CDS1: variants seen among roughly 807,000 people sequenced by gnomAD.
CDS1 encodes phosphatidate cytidylyltransferase 1.
Under a neutral mutation model 62.1 loss-of-function variants are expected in CDS1, and 41 were observed. The ratio of observed to expected loss-of-function variants is 0.66; its 90% confidence interval spans 0.51 to 0.86. The LOEUF is 0.86. Ranked by LOEUF, CDS1 falls within the 40% of genes least tolerant of loss-of-function variation. The pLI is 0.00. For synonymous variants in CDS1, 185 were observed against 192.6 expected (o/e 0.96, Z 0.32); for missense variants, 470 against 550.1 (o/e 0.85, Z 1.46).
In CDS1 at chr4:84,650,208, T is replaced by A. The variant is rs1724690541; in HGVS notation, c.*1522T>A. 1 of 152,198 alleles carries A rather than the reference T, an allele frequency of 6.6e-6. No homozygotes were observed. Among genetic ancestry groups the A allele is most frequent in the African/African-American group, 2.4e-5 (1 of 41,462 alleles). The allele number at this position is 152,198 out of a possible 1,614,324, so 9.4% of individuals were successfully genotyped here. A position where few individuals can be genotyped will look rare whatever the true frequency, so the allele number is the denominator to read the frequency against. Reference sequence around the variant, plus strand: ...TCCACTGATGCAGTCAGCCAGCACCTCCTCACATGCACACATGATTAGACA... The same window carrying A: ...TCCACTGATGCAGTCAGCCAGCACCACCTCACATGCACACATGATTAGACA... On this transcript the variant is annotated 3_prime_UTR_variant, in exon 13 of 13. Coordinates refer to ENST00000295887, the MANE Select transcript of CDS1 (RefSeq NM_001263.4).
chr4:84,597,962 T>C (rs1425488447), intron 1 of CDS1, among the ~76,000 whole-genome samples: 1 of 151,294 alleles, frequency 6.6e-6, no homozygotes, highest in Non-Finnish European at 1.5e-5. Context: ...CCGTCTCTAC[T>C]AAAAATACAA....
intron 3 of CDS1, among the ~76,000 whole-genome samples, chr4:84,617,199 A>G (rs940809595): frequency 6.6e-6 from 1 of 152,250 alleles, no homozygotes; most frequent in Non-Finnish European, 1.5e-5. Context: ...CATAATGGAC[A>G]GGTTGGACAA....
At chr4:84,643,245 C>T (rs1724446855) in intron 11 of CDS1, 102 bp downstream of exon 11, 2 of 1,085,470 alleles carry the variant, frequency 1.8e-6, no homozygotes, top group African/African-American at 1.6e-5. Flanking sequence ...GCCCCTAGGC[C>T]ACAACTTTTA....
chr4:84,623,895 C>T (rs542419529), intron 5 of CDS1, among the ~76,000 whole-genome samples: 37 of 152,040 alleles, frequency 2.4e-4, no homozygotes, highest in African/African-American at 8.9e-4. Context: ...GACCTGTGGC[C>T]CCTCCATGTG....
chr4:84,636,111 G>A (rs902814693), intron 8 of CDS1, among the ~76,000 whole-genome samples: 1 of 151,930 alleles, frequency 6.6e-6, no homozygotes, highest in African/African-American at 2.4e-5. Flanking sequence ...CTCCTTTCCA[G>A]CAAGCCTATA....
rs1722300841 is a variant in CDS1, at chr4:84,583,189, C to T, written c.-213C>T. ...GGGACCTCCGCCGGAGCCGCGCTCG[C>T]TGCAGGCGGCCTCGAGCGCTCTCTC... On this transcript the variant is annotated 5_prime_UTR_variant, in exon 1 of 13. Transcript: ENST00000295887. 1 of 482,616 alleles carries T rather than the reference C, an allele frequency of 2.1e-6. No individual in the cohort carries two copies. Among genetic ancestry groups the T allele is most frequent in the South Asian group, 2.9e-5 (1 of 34,440 alleles). 29.9% of individuals were successfully genotyped at this position (482,616 alleles called of 1,614,324 possible).
intron 10 of CDS1, among the ~76,000 whole-genome samples, chr4:84,642,449 A>G (rs1197369160): frequency 6.6e-6 from 1 of 152,210 alleles, no homozygotes; most frequent in Admixed American, 6.5e-5. Context: ...ACAAATTTGC[A>G]AAATAATTTG....
intron 1 of CDS1, among the ~76,000 whole-genome samples, chr4:84,595,239 C>A (rs1197979386): frequency 2.6e-5 from 4 of 152,082 alleles, no homozygotes; most frequent in Non-Finnish European, 5.9e-5. Context: ...AGAATTCTGG[C>A]TAAAGGTTAA....
chr4:84,596,111 AC>A (rs1722740040), intron 1 of CDS1, among the ~76,000 whole-genome samples: 3 of 152,256 alleles, frequency 2.0e-5, no homozygotes, highest in Admixed American at 6.5e-5. Flanking sequence ...CTCAGCACAT[AC>A]TCACCAAGCT....
In CDS1 at chr4:84,585,675, T is replaced by A. The variant is rs550380361; in HGVS notation, c.117+2157T>A. Among the ~76,000 whole-genome samples, 6 of 152,226 alleles carry A rather than the reference T, an allele frequency of 3.9e-5. No homozygotes were observed. In the South Asian group the frequency reaches 1.2e-3, roughly 32 times the overall value. ...TCCCATGCATTGCCATTTTGTAGTC[T>A]TTTAATAATGGTGTTATTAACATGA... On this transcript the variant is annotated intron_variant, in intron 1 of 12. Transcript: ENST00000295887.
At chr4:84,602,016 A>G in intron 1 of CDS1, among the ~76,000 whole-genome samples, 1 of 152,194 alleles carries the variant, frequency 6.6e-6, no homozygotes, top group East Asian at 1.9e-4. Flanking sequence ...CTATTTGATC[A>G]TTAAAAGTAT....
intron 3 of CDS1, among the ~76,000 whole-genome samples, chr4:84,616,275 T>C (rs1187359360): frequency 2.0e-5 from 3 of 152,240 alleles, no homozygotes; most frequent in Non-Finnish European, 4.4e-5. Flanking sequence ...GACTTTTGCC[T>C]ACAAGTACTG....
intron 5 of CDS1, among the ~76,000 whole-genome samples, chr4:84,621,369 G>GA (rs1723681000): frequency 1.3e-5 from 2 of 152,098 alleles, no homozygotes; most frequent in Admixed American, 1.3e-4. Flanking sequence ...CAGTCCTGTA[G>GA]AAGTATGCTA....
intron 10 of CDS1, among the ~76,000 whole-genome samples, chr4:84,642,028 T>G (rs1314351944): frequency 6.6e-6 from 1 of 152,078 alleles, no homozygotes; most frequent in Non-Finnish European, 1.5e-5. Flanking sequence ...TGAGAACAGG[T>G]CAAAAAATGG....
chr4:84,649,393 A>G lies in CDS1; in HGVS notation c.*707A>G, dbSNP rs1447593873. ...CTCGCAAAAACTTTTCAAGAGCAACAAGGAAGAATTCTGCTGTGAAGAACA... is the reference window on the plus strand; with the variant it reads ...CTCGCAAAAACTTTTCAAGAGCAACGAGGAAGAATTCTGCTGTGAAGAACA... On this transcript the variant is annotated 3_prime_UTR_variant, in exon 13 of 13. Coordinates refer to ENST00000295887, the MANE Select transcript of CDS1 (RefSeq NM_001263.4). 6.6e-6 allele frequency: 1 copy of G among 152,210 alleles called. No homozygotes were observed. Among genetic ancestry groups the G allele is most frequent in the African/African-American group, 2.4e-5 (1 of 41,438 alleles). 9.4% of individuals were successfully genotyped at this position (152,210 alleles called of 1,614,324 possible). A position where few individuals can be genotyped will look rare whatever the true frequency, so the allele number is the denominator to read the frequency against.
chr4:84,591,694 T>C (rs371003769), intron 1 of CDS1, among the ~76,000 whole-genome samples: 2 of 152,108 alleles, frequency 1.3e-5, no homozygotes, highest in African/African-American at 2.4e-5. Context: ...TATGAGAAAA[T>C]TGGAATTTGA....
At chr4:84,621,975 A>G (rs1189193207) in intron 5 of CDS1, among the ~76,000 whole-genome samples, 2 of 152,200 alleles carry the variant, frequency 1.3e-5, no homozygotes, top group African/African-American at 4.8e-5. Flanking sequence ...TGGAGAGTAA[A>G]ACACTTGACT....
intron 5 of CDS1, among the ~76,000 whole-genome samples, chr4:84,629,971 C>T (rs971422201): frequency 2.0e-5 from 3 of 152,152 alleles, no homozygotes; most frequent in African/African-American, 7.2e-5. Flanking sequence ...CAAGGCTGTG[C>T]TGGGAGAGTC....
intron 1 of CDS1, among the ~76,000 whole-genome samples, chr4:84,589,813 TG>T (rs747602544): frequency 1.1e-4 from 17 of 151,372 alleles, no homozygotes; most frequent in East Asian, 1.9e-4. Context: ...AGGTCTTTTT[TG>T]TTTTGTTTTG....
Sources: allele counts gnomAD v4.1 joint callset (sites outside exome capture counted in the v4.1 genomes callset), GRCh38; gene constraint gnomAD v4.1.1; transcripts MANE v1.5; gene names NCBI Gene and HGNC (gene_info 2026-07-23, HGNC 2026-07-21).